Variants in BRINP1 observed in about 807,000 individuals in gnomAD.
BRINP1 encodes the protein BMP/retinoic acid inducible neural specific 1.
Under a neutral mutation model 72.9 loss-of-function variants are expected in BRINP1, and 17 were observed. That is an observed-to-expected ratio of 0.23 (90% confidence interval 0.16 to 0.35). The LOEUF is 0.35. Ranked by LOEUF, BRINP1 falls within the 10% of genes least tolerant of loss-of-function variation. The pLI is 1.00. For synonymous variants in BRINP1, 418 were observed against 378.5 expected (o/e 1.10, Z -1.21); for missense variants, 850 against 1,001.6 (o/e 0.85, Z 2.04).
intron 4 of BRINP1, 123 bp from the exon 5 acceptor site, chr9:119,238,883 C>T: frequency 1.7e-6 from 1 of 597,936 alleles, no homozygotes; most frequent in Non-Finnish European, 2.9e-6. Flanking sequence ...AGTCAATGGT[C>T]ACTTTCTGAG....
At chr9:119,243,242 G>T (rs7861737) in intron 3 of BRINP1, among the ~76,000 whole-genome samples, 4,150 of 152,132 alleles carry the variant, frequency 0.027, 176 homozygotes, top group African/African-American at 0.095. Context: ...CCCAGTGTGT[G>T]TTGTTGCCCT....
intron 7 of BRINP1, among the ~76,000 whole-genome samples, chr9:119,186,463 T>G (rs1829621633): frequency 6.6e-6 from 1 of 152,098 alleles, no homozygotes; most frequent in Non-Finnish European, 1.5e-5. Context: ...TGGTGTTCTA[T>G]CCCTTGGAGA....
At chr9:119,264,803 G>A (rs1364669173) in intron 2 of BRINP1, among the ~76,000 whole-genome samples, 1 of 152,104 alleles carries the variant, frequency 6.6e-6, no homozygotes, top group African/African-American at 2.4e-5. Flanking sequence ...CTGAGTAAAT[G>A]GGATTACAGG....
chr9:119,214,587 T>TAA (rs57097317), intron 5 of BRINP1, among the ~76,000 whole-genome samples: 31,715 of 143,842 alleles, frequency 0.22, 3,477 homozygotes, highest in Admixed American at 0.29. Context: ...CCTGTAGAGA[T>TAA]AAAAAAAAAA....
At chr9:119,290,783 T>A (rs1427617737) in intron 2 of BRINP1, among the ~76,000 whole-genome samples, 1 of 152,180 alleles carries the variant, frequency 6.6e-6, no homozygotes, top group Non-Finnish European at 1.5e-5. Flanking sequence ...AGTGCATTAT[T>A]AATCAGACTA....
In BRINP1 at chr9:119,328,790, G is replaced by A. The variant is rs1375649640; in HGVS notation, c.-50-15385C>T. Among the ~76,000 whole-genome samples, 3 of 152,258 alleles carry A rather than the reference G, an allele frequency of 2.0e-5. No individual in the cohort carries two copies. In the South Asian group the frequency reaches 6.2e-4, roughly 32 times the overall value. ...TTCAAAAATACTTCTCAGGGGAGCTGAGATTTGGCTTGGGAGTCAAAAAGA... is the reference window on the plus strand; with the variant it reads ...TTCAAAAATACTTCTCAGGGGAGCTAAGATTTGGCTTGGGAGTCAAAAAGA... On this transcript the variant is annotated intron_variant, in intron 1 of 7. Transcript: ENST00000265922.
chr9:119,272,091 C>A (rs1318650585), intron 2 of BRINP1, among the ~76,000 whole-genome samples: 77 of 119,330 alleles, frequency 6.5e-4, no homozygotes, highest in African/African-American at 1.1e-3. Flanking sequence ...TTTTTTGAGA[C>A]AAAAAAAAAA....
At position 119,316,504 on chromosome 9, in the gene BRINP1, G is replaced by A. The variant is rs545693649; in HGVS notation, c.-50-3099C>T. On this transcript the variant is annotated intron_variant, in intron 1 of 7. Coordinates refer to ENST00000265922, the MANE Select transcript of BRINP1 (RefSeq NM_014618.3). ...AGCTTCAAAGGACAGACTGTCTCTC[G>A]TTAGGGGCTAATGCAGCAGGTGACT... Among the ~76,000 whole-genome samples the A allele has an allele frequency of 2.6e-3, 394 of 152,252 alleles. 1 individual carries two copies. The highest frequency in any genetic ancestry group is 9.2e-3 in the African/African-American group (381 of 41,546).
chr9:119,367,815 ACTCTCTCT>A lies in BRINP1; in HGVS notation c.-51+1233_-51+1240del, dbSNP rs201244673. Reference sequence around the variant, plus strand: ...TGTAGATCTCCCTCAGTACTGAAACACTCTCTCTCTCTGTCTCCCTCTCTCTCGCTCTT... The same window carrying A: ...TGTAGATCTCCCTCAGTACTGAAACACTCTGTCTCCCTCTCTCTCGCTCTT... On this transcript the variant is annotated intron_variant, in intron 1 of 7. Coordinates refer to ENST00000265922, the MANE Select transcript of BRINP1 (RefSeq NM_014618.3). 2.3e-4 allele frequency among the ~76,000 whole-genome samples: 35 copies of A among 150,490 alleles called. 1 individual carries two copies. In the East Asian group the frequency reaches 6.9e-3, roughly 30 times the overall value.
intron 1 of BRINP1, among the ~76,000 whole-genome samples, chr9:119,319,484 A>G (rs540668336): frequency 1.3e-5 from 2 of 152,358 alleles, no homozygotes; most frequent in Non-Finnish European, 2.9e-5. Context: ...AAGGATGAGT[A>G]CATATGTTAC....
intron 2 of BRINP1, among the ~76,000 whole-genome samples, chr9:119,266,008 C>G (rs1830545145): frequency 6.6e-6 from 1 of 152,158 alleles, no homozygotes; most frequent in Non-Finnish European, 1.5e-5. Context: ...ATAGGACAGG[C>G]AAATTGTTGT....
At chr9:119,254,590 C>A (rs1830426613) in intron 2 of BRINP1, among the ~76,000 whole-genome samples, 1 of 152,162 alleles carries the variant, frequency 6.6e-6, no homozygotes, top group South Asian at 2.1e-4. Context: ...AAGGCTTTGT[C>A]AGCCTTAGTA....
At chr9:119,179,259 A>G (rs1185812940) in intron 7 of BRINP1, among the ~76,000 whole-genome samples, 1 of 152,202 alleles carries the variant, frequency 6.6e-6, no homozygotes, top group Non-Finnish European at 1.5e-5. Context: ...AGCATCTTCC[A>G]TCTGCAGCCA....
intron 2 of BRINP1, among the ~76,000 whole-genome samples, chr9:119,264,791 T>C (rs1297147863): frequency 6.6e-6 from 1 of 152,174 alleles, no homozygotes; most frequent in East Asian, 1.9e-4. Context: ...TGCCTCAGCC[T>C]CCTGAGTAAA....
In BRINP1 at chr9:119,226,376, A is replaced by G. The variant is rs371017653; in HGVS notation, c.686-12221T>C. Reference sequence around the variant, plus strand: ...TGGTTGTTAAATAGACCAAATTGCCACATCAACCATTTATCTCTCACGATT... The same window carrying G: ...TGGTTGTTAAATAGACCAAATTGCCGCATCAACCATTTATCTCTCACGATT... On this transcript the variant is annotated intron_variant, in intron 5 of 7. Transcript: ENST00000265922. Among the ~76,000 whole-genome samples the G allele has an allele frequency of 7.4e-4, 112 of 152,182 alleles. 3 individuals carry two copies. Among genetic ancestry groups the G allele is most frequent in the African/African-American group, 2.6e-3 (107 of 41,564 alleles).
intron 7 of BRINP1, among the ~76,000 whole-genome samples, chr9:119,190,972 T>C (rs1461166912): frequency 6.6e-6 from 1 of 151,998 alleles, no homozygotes; most frequent in African/African-American, 2.4e-5. Flanking sequence ...AACGCAAGGC[T>C]GGTTTAATAT....
chr9:119,258,432 G>A (rs776732629), intron 2 of BRINP1, among the ~76,000 whole-genome samples: 11 of 152,190 alleles, frequency 7.2e-5, no homozygotes, highest in South Asian at 2.1e-4. Flanking sequence ...AGAGTTAATC[G>A]TGGGAAAGGA....
intron 1 of BRINP1, among the ~76,000 whole-genome samples, chr9:119,364,021 T>C (rs1302498609): frequency 8.1e-5 from 3 of 37,024 alleles, no homozygotes; most frequent in South Asian, 1.7e-3. Flanking sequence ...TCCCTCCCTT[T>C]TTTTTTTTTT....
intron 2 of BRINP1, among the ~76,000 whole-genome samples, chr9:119,299,340 G>A (rs189815031): frequency 5.3e-5 from 8 of 152,232 alleles, no homozygotes; most frequent in Non-Finnish European, 7.4e-5. Flanking sequence ...TGGGCCGGGC[G>A]CGGTGGCTCA....
Sources: gnomAD v4.1 joint callset for allele counts (sites outside exome capture counted in the v4.1 genomes callset) on GRCh38, gnomAD v4.1.1 for gene constraint, MANE v1.5 for transcripts, NCBI Gene and HGNC (gene_info 2026-07-23, HGNC 2026-07-21) for gene names.